Variants in FER observed in about 807,000 individuals in gnomAD.
The protein encoded by FER is tyrosine-protein kinase Fer.
In FER, 63 loss-of-function variants were observed where a neutral mutation model predicts 111.0. The ratio of observed to expected loss-of-function variants is 0.57; its 90% CI spans 0.46 to 0.70. FER has a LOEUF of 0.70. FER is among the 30% of genes least tolerant of loss of function. FER has a pLI of 0.00. For synonymous variants in FER, 327 were observed against 313.9 expected, an observed-to-expected ratio of 1.04 and a Z score of -0.44; for missense variants, 914 against 954.0, an observed-to-expected ratio of 0.96 and a Z score of 0.55.
chr5:109,113,034 G>C (rs1379943375), intron 17 of FER, among the ~76,000 whole-genome samples: 2 of 152,080 alleles, frequency 1.3e-5, no homozygotes, highest in African/African-American at 4.8e-5. Context: ...CTTTTCCAAT[G>C]CAAGAAAAAG....
chr5:108,896,557 T>C (rs1749132117), intron 9 of FER, among the ~76,000 whole-genome samples: 1 of 152,182 alleles, frequency 6.6e-6, no homozygotes, highest in Admixed American at 6.5e-5. Context: ...GACTTTTTTC[T>C]CTACTGTTTG....
chr5:108,869,370 G>T lies in FER; in HGVS notation c.665+1420G>T, dbSNP rs75086768. On this transcript the variant is annotated intron_variant, in intron 6 of 19. Transcript: ENST00000281092. ...TTCTGACTAACCCTGCACTCTCCGT[G>T]AGAGGAATGTAGTGATTTGAAGAAT... 7.7e-3 allele frequency among the ~76,000 whole-genome samples: 1,168 copies of T among 152,224 alleles called. 10 individuals are homozygous for T. Among genetic ancestry groups the T allele is most frequent in the African/African-American group, 0.026 (1,066 of 41,558 alleles).
At chr5:108,989,696 C>T (rs960928074) in intron 13 of FER, among the ~76,000 whole-genome samples, 2 of 151,792 alleles carry the variant, frequency 1.3e-5, no homozygotes, top group East Asian at 1.9e-4. Context: ...AACTATTTCT[C>T]TCCCATTGCA....
At chr5:109,015,367 G>A (rs955359429) in intron 13 of FER, among the ~76,000 whole-genome samples, 8 of 151,986 alleles carry the variant, frequency 5.3e-5, no homozygotes, top group African/African-American at 1.9e-4. Context: ...AATTAAAAAT[G>A]GTTAAGATGT....
chr5:109,041,051 G>A (rs1771108184), intron 14 of FER, among the ~76,000 whole-genome samples: 1 of 152,104 alleles, frequency 6.6e-6, no homozygotes, highest in Non-Finnish European at 1.5e-5. Flanking sequence ...GAGAATAGAA[G>A]AGAAGCAGTC....
intron 2 of FER, chr5:108,782,869 G>A (rs1197449141): frequency 6.6e-6 from 1 of 152,062 alleles, no homozygotes; most frequent in African/African-American, 2.4e-5. Context: ...TGTTGAAAAG[G>A]CTATTCTTCT....
At chr5:108,766,816 C>G (rs1192612087) in intron 1 of FER, among the ~76,000 whole-genome samples, 1 of 151,960 alleles carries the variant, frequency 6.6e-6, no homozygotes, top group Non-Finnish European at 1.5e-5. Flanking sequence ...TATGATAAAC[C>G]AGGAAGTTGG....
chr5:108,893,152 C>T (rs983304113), intron 9 of FER, among the ~76,000 whole-genome samples: 14 of 152,074 alleles, frequency 9.2e-5, no homozygotes, highest in African/African-American at 3.1e-4. Context: ...GCGATGCAGG[C>T]TCTTTTTTGG....
At chr5:108,892,298 C>G (rs1007770044) in intron 9 of FER, among the ~76,000 whole-genome samples, 40 of 152,158 alleles carry the variant, frequency 2.6e-4, no homozygotes, top group African/African-American at 8.4e-4. Flanking sequence ...TAAAAGTGTT[C>G]CTGTTTCTCC....
intron 13 of FER, among the ~76,000 whole-genome samples, chr5:109,022,592 T>C (rs1016609528): frequency 1.3e-5 from 2 of 152,116 alleles, no homozygotes; most frequent in African/African-American, 4.8e-5. Flanking sequence ...ACATGTGACA[T>C]TGGGCCCCAC....
chr5:109,027,576 T>C (rs1768934285), intron 13 of FER, among the ~76,000 whole-genome samples: 1 of 152,158 alleles, frequency 6.6e-6, no homozygotes, highest in Non-Finnish European at 1.5e-5. Context: ...GAATTTCAAA[T>C]ATGTCCCTGT....
chr5:108,798,019 G>GT (rs367745679), intron 2 of FER, 105 bp from the exon 3 acceptor site: 21,008 of 396,264 alleles, frequency 0.053, no homozygotes, highest in East Asian at 0.089. Flanking sequence ...ATTCAGTTGT[G>GT]TTTTTTTTTT....
In FER at chr5:109,044,671, T is replaced by C; in HGVS notation, c.1714-9T>C. On this transcript the variant is annotated splice_polypyrimidine_tract_variant and intron_variant, in intron 14 of 19. Transcript: ENST00000281092. ...TTACCCCAGACAATGAATGTATTTCTATTTTCAGGGAAATTTTGGTGAAGT... is the reference window on the plus strand; with the variant it reads ...TTACCCCAGACAATGAATGTATTTCCATTTTCAGGGAAATTTTGGTGAAGT... 3 of 1,384,598 alleles carry C rather than the reference T, an allele frequency of 2.2e-6. No individual in the cohort carries two copies. The highest frequency in any genetic ancestry group is 3.0e-6 in the Non-Finnish European group (3 of 1,008,156). The allele number at this position is 1,384,598 out of a possible 1,614,324, so 85.8% of individuals were successfully genotyped here. A position where few individuals can be genotyped will look rare whatever the true frequency, so the allele number is the denominator to read the frequency against.
At chr5:108,802,159 A>G (rs1016482499) in intron 3 of FER, among the ~76,000 whole-genome samples, 1 of 151,912 alleles carries the variant, frequency 6.6e-6, no homozygotes, top group African/African-American at 2.4e-5. Flanking sequence ...TTTTTTCAAA[A>G]TTATTTTGTC....
intron 16 of FER, among the ~76,000 whole-genome samples, chr5:109,076,103 A>G (rs1284025637): frequency 6.6e-6 from 1 of 152,062 alleles, no homozygotes; most frequent in Non-Finnish European, 1.5e-5. Flanking sequence ...ACATTTTTAT[A>G]TTAATTATGT....
chr5:108,995,342 G>A (rs896456241), intron 13 of FER, among the ~76,000 whole-genome samples: 24 of 151,944 alleles, frequency 1.6e-4, no homozygotes, highest in Non-Finnish European at 7.4e-5. Flanking sequence ...AGGTATACAC[G>A]TGTCATGGTG....
chr5:109,099,388 A>G (rs1358699796), intron 16 of FER, among the ~76,000 whole-genome samples: 1 of 151,496 alleles, frequency 6.6e-6, no homozygotes, highest in East Asian at 1.9e-4. Context: ...TAAAATACTG[A>G]TATTGATTCA....
At chr5:108,974,932 A>T (rs1414413279) in intron 13 of FER, among the ~76,000 whole-genome samples, 3 of 152,242 alleles carry the variant, frequency 2.0e-5, no homozygotes, top group Non-Finnish European at 4.4e-5. Context: ...GTAAAATAAT[A>T]AATTTGTGTT....
intron 13 of FER, among the ~76,000 whole-genome samples, chr5:109,022,089 A>T (rs1768004441): frequency 6.6e-6 from 1 of 152,088 alleles, no homozygotes; most frequent in South Asian, 2.1e-4. Context: ...CCCTCCCTAC[A>T]GTTGAGGAGT....
Sources: allele counts gnomAD v4.1 joint callset (sites outside exome capture counted in the v4.1 genomes callset), GRCh38; gene constraint gnomAD v4.1.1; transcripts MANE v1.5; gene names NCBI Gene and HGNC (gene_info 2026-07-23, HGNC 2026-07-21).